The following CLDND2 variants were observed in gnomAD, a reference collection of about 807,000 sequenced individuals.
The protein encoded by CLDND2 is claudin domain-containing protein 2.
CLDND2 carries 18 observed loss-of-function variants against 17.7 expected under a neutral mutation model. That is an observed-to-expected ratio of 1.02 (90% CI 0.70 to 1.51). The LOEUF is 1.51. Ranked by LOEUF, CLDND2 falls within the 40% of genes most tolerant of loss-of-function variation. The pLI is 0.00. For synonymous variants in CLDND2, 113 were observed against 93.0 expected, an observed-to-expected ratio of 1.22 and a Z score of -1.24; for missense variants, 233 against 219.6, an observed-to-expected ratio of 1.06 and a Z score of -0.39.
chr19:51,367,288 A>G lies in CLDND2; in HGVS notation c.431-73T>C. 6.5e-7 allele frequency: 1 copy of G among 1,533,804 alleles called. No individual in the cohort carries two copies. Among genetic ancestry groups the G allele is most frequent in the Non-Finnish European group, 9.0e-7 (1 of 1,111,064 alleles). On this transcript the variant is annotated intron_variant, in intron 3 of 3. Coordinates refer to ENST00000291715, the MANE Select transcript of CLDND2 (RefSeq NM_152353.3). This position sits in a 1 kb window ranked among gnomAD's most constrained non-coding sequence, Gnocchi z 7.4. ...GCGGATGGCCGGGAGGGCCCCGGGG[A>G]CTGGGGTTTGGGGCTCCAAGGGGGT...
In CLDND2 at chr19:51,367,808, C is replaced by T; in HGVS notation, c.310+78G>A. On this transcript the variant is annotated intron_variant, in intron 2 of 3. Transcript: ENST00000291715. This position sits in a 1 kb window ranked among gnomAD's most constrained non-coding sequence, Gnocchi z 7.4. ...CGGATCCTGGCCGAGTACCTCAAGCCCCTCCCCTGGCGACCAGGCCCCTCC... is the reference window on the plus strand; with the variant it reads ...CGGATCCTGGCCGAGTACCTCAAGCTCCTCCCCTGGCGACCAGGCCCCTCC... 1.9e-6 allele frequency: 3 copies of T among 1,550,764 alleles called. No individual in the cohort carries two copies. In the East Asian group the frequency reaches 7.0e-5, roughly 36 times the overall value.
rs1599853701 is a variant in CLDND2, at chr19:51,368,870, A to C, written c.-293T>G. 1.2e-5 allele frequency: 4 copies of C among 326,956 alleles called. No homozygotes were observed. The highest frequency in any genetic ancestry group is 2.2e-5 in the African/African-American group (1 of 46,456). The allele number at this position is 326,956 out of a possible 1,614,324, so 20.3% of individuals were successfully genotyped here. A position where few individuals can be genotyped will look rare whatever the true frequency, so the allele number is the denominator to read the frequency against. On this transcript the variant is annotated 5_prime_UTR_variant, in exon 1 of 4. Transcript: ENST00000291715. ...CTGTGAGGAACCTGTCTTCCCAGAGACCTCCCCCGACAGCCGAACGCCCTT... is the reference window on the plus strand; with the variant it reads ...CTGTGAGGAACCTGTCTTCCCAGAGCCCTCCCCCGACAGCCGAACGCCCTT...
chr19:51,368,445 A>G lies in CLDND2; in HGVS notation c.133T>C (p.Cys45Arg). 1 of 1,613,850 alleles carries G rather than the reference A, an allele frequency of 6.2e-7. No individual in the cohort carries two copies. The highest frequency in any genetic ancestry group is 8.5e-7 in the Non-Finnish European group (1 of 1,179,954). The change falls in exon 1 of 4, where the codon TGC becomes CGC. Residue 45 changes from cysteine to arginine, a missense_variant. Physicochemically the swap from Cys to Arg is radical, Grantham distance 180. Coordinates refer to ENST00000291715, the MANE Select transcript of CLDND2 (RefSeq NM_152353.3). ...ATGCTGGAGCAGATGCCGTGGTTGCATTCCTGCCACAGGCCACTGTGGCCC... is the reference window on the plus strand; with the variant it reads ...ATGCTGGAGCAGATGCCGTGGTTGCGTTCCTGCCACAGGCCACTGTGGCCC... ...QEGHSGLWQE[C>R]NHGICSSIPC...
At chr19:51,368,353 T>C in intron 1 of CLDND2, 56 bp downstream of exon 1, 1 of 1,547,326 alleles carries the variant, frequency 6.5e-7, no homozygotes, top group East Asian at 2.3e-5. Context: ...CAGCTGTGTG[T>C]CCCGAGCCCT....
At position 51,367,988 on chromosome 19, in the gene CLDND2, C is replaced by T; in HGVS notation, c.208G>A (p.Val70Met). The T allele has an allele frequency of 6.2e-7, 1 of 1,612,030 alleles. No homozygotes were observed. The highest frequency in any genetic ancestry group is 8.5e-7 in the Non-Finnish European group (1 of 1,179,116). The change falls in exon 2 of 4, where the codon GTG (valine) becomes ATG (methionine). Residue 70 changes from valine to methionine, a missense_variant. Coordinates refer to ENST00000291715, the MANE Select transcript of CLDND2 (RefSeq NM_152353.3). This position sits in a 1 kb window ranked among gnomAD's most constrained non-coding sequence, Gnocchi z 7.4. ...ACCATGCCCACCACGCCGACACCCA[C>T]CGCCAGCACCATGCACGCCACAGTC... is the stretch of plus-strand genomic sequence containing the variant. ...AVTVACMVLA[V>M]GVGVVGMVMG...
At chr19:51,366,991 T>G, downstream of CLDND2, 1 of 693,338 alleles carries the variant, frequency 1.4e-6, no homozygotes, top group Non-Finnish European at 2.6e-6. Context: ...TGTGTCTCCC[T>G]GTCTCCACGT....
In CLDND2 at chr19:51,368,396, G is replaced by A; in HGVS notation, c.169+13C>T. On this transcript the variant is annotated intron_variant, in intron 1 of 3. Coordinates refer to ENST00000291715, the MANE Select transcript of CLDND2 (RefSeq NM_152353.3). ...TGAAATGCCCTCTGACATCTGGGCG[G>A]GCGGAGCCTCACTCTGGCAGGGGAT... 1.2e-6 allele frequency: 2 copies of A among 1,605,994 alleles called. No individual in the cohort carries two copies. The highest frequency in any genetic ancestry group is 1.7e-6 in the Non-Finnish European group (2 of 1,177,314).
At position 51,367,411 on chromosome 19, in the gene CLDND2, G is replaced by T. The variant is rs151237891; in HGVS notation, c.430+46C>A. ...CAGCTGGGGAGCCTCTGGGGTGAGG[G>T]TCTTCTGGGCAGTCTCCTCCACCCT... is the stretch of plus-strand genomic sequence containing the variant. On this transcript the variant is annotated intron_variant, in intron 3 of 3. Coordinates refer to ENST00000291715, the MANE Select transcript of CLDND2 (RefSeq NM_152353.3). The surrounding 1 kb of genome is among the most constrained non-coding windows in gnomAD (Gnocchi z 7.4). 2.1e-5 allele frequency: 33 copies of T among 1,552,344 alleles called. No homozygotes were observed. Among genetic ancestry groups the T allele is most frequent in the Non-Finnish European group, 2.7e-5 (31 of 1,138,608 alleles).
intron 1 of CLDND2, 122 bp from the exon 2 acceptor site, chr19:51,368,148 A>G (rs1227899126): frequency 8.8e-7 from 1 of 1,136,164 alleles, no homozygotes; most frequent in East Asian, 2.6e-5. Context: ...GCCGAGCTCC[A>G]CCGACCGGGA....
chr19:51,368,736 A>T lies in CLDND2; in HGVS notation c.-159T>A. Reference sequence around the variant, plus strand: ...GGGACCTGGAGACCCCCCTCCCTCAACAACCCTGCCTGAGGATCCACAACC... The same window carrying T: ...GGGACCTGGAGACCCCCCTCCCTCATCAACCCTGCCTGAGGATCCACAACC... On this transcript the variant is annotated 5_prime_UTR_variant, in exon 1 of 4. The change creates a new upstream start codon in the 5' untranslated region. Coordinates refer to ENST00000291715, the MANE Select transcript of CLDND2 (RefSeq NM_152353.3). 1.6e-6 allele frequency: 1 copy of T among 617,746 alleles called. No individual in the cohort carries two copies. The highest frequency in any genetic ancestry group is 2.8e-6 in the Non-Finnish European group (1 of 359,508). 38.3% of individuals were successfully genotyped at this position (617,746 alleles called of 1,614,324 possible). A position where few individuals can be genotyped will look rare whatever the true frequency, so the allele number is the denominator to read the frequency against.
downstream of CLDND2, among the ~76,000 whole-genome samples, chr19:51,366,743 G>T (rs1254436012): frequency 6.6e-6 from 1 of 151,888 alleles, no homozygotes; most frequent in African/African-American, 2.4e-5. Flanking sequence ...TCCAAGTCGC[G>T]GTACTCGTAT....
chr19:51,368,515 G>T lies in CLDND2; in HGVS notation c.63C>A (p.Leu21=). 1 of 1,614,074 alleles carries T rather than the reference G, an allele frequency of 6.2e-7. No homozygotes were observed. The highest frequency in any genetic ancestry group is 8.5e-7 in the Non-Finnish European group (1 of 1,179,982). Residue 21 remains leucine, a synonymous_variant, in exon 1 of 4, where the codon CTC becomes CTA. Coordinates refer to ENST00000291715, the MANE Select transcript of CLDND2 (RefSeq NM_152353.3). The part of the protein sequence containing the change: ...GILLSLVANV[L]MVLSTATNYW... ...AGTTGGTGGCCGTGGAGAGCACCATGAGGACGTTGGCCACGAGGCTGAGCA... is the reference window on the plus strand; with the variant it reads ...AGTTGGTGGCCGTGGAGAGCACCATTAGGACGTTGGCCACGAGGCTGAGCA...
Position 51,367,691 on chromosome 19 carries a change from CGCCCCTGGCCCAG to C in CLDND2, c.311-128_311-116del. The C allele has an allele frequency of 6.7e-7, 1 of 1,493,264 alleles. No individual in the cohort carries two copies. The highest frequency in any genetic ancestry group is 8.9e-7 in the Non-Finnish European group (1 of 1,121,644). 92.5% of individuals were successfully genotyped at this position (1,493,264 alleles called of 1,614,324 possible). Reference sequence around the variant, plus strand: ...AGACCACGCCTATCGCCTCTCAGCCCGCCCCTGGCCCAGGCCCCTTCCTGCTCCTCCCGCTCTG... The same window carrying C: ...AGACCACGCCTATCGCCTCTCAGCCCGCCCCTTCCTGCTCCTCCCGCTCTG... On this transcript the variant is annotated intron_variant, in intron 2 of 3. Transcript: ENST00000291715. This position sits in a 1 kb window ranked among gnomAD's most constrained non-coding sequence, Gnocchi z 7.4.
Position 51,368,442 on chromosome 19 carries a change from T to G in CLDND2, c.136A>C (p.Asn46His). 6.2e-7 allele frequency: 1 copy of G among 1,613,822 alleles called. No homozygotes were observed. The highest frequency in any genetic ancestry group is 8.5e-7 in the Non-Finnish European group (1 of 1,179,948). Reference sequence around the variant, plus strand: ...GGGATGCTGGAGCAGATGCCGTGGTTGCATTCCTGCCACAGGCCACTGTGG... The same window carrying G: ...GGGATGCTGGAGCAGATGCCGTGGTGGCATTCCTGCCACAGGCCACTGTGG... ...EGHSGLWQEC[N>H]HGICSSIPCQ... The change falls in exon 1 of 4, where the codon AAC becomes CAC. Residue 46 changes from asparagine to histidine, a missense_variant. Coordinates refer to ENST00000291715, the MANE Select transcript of CLDND2 (RefSeq NM_152353.3).
chr19:51,367,715 GCT>G lies in CLDND2; in HGVS notation c.311-141_311-140del. The G allele has an allele frequency of 6.8e-7, 1 of 1,480,598 alleles. No individual in the cohort carries two copies. The highest frequency in any genetic ancestry group is 8.9e-7 in the Non-Finnish European group (1 of 1,117,630). The allele number at this position is 1,480,598 out of a possible 1,614,324, so 91.7% of individuals were successfully genotyped here. A position where few individuals can be genotyped will look rare whatever the true frequency, so the allele number is the denominator to read the frequency against. The stretch of plus-strand genomic sequence containing the variant: ...CCGCCCCTGGCCCAGGCCCCTTCCT[GCT>G]CCTCCCGCTCTGAACTCTGTCTCGA... On this transcript the variant is annotated intron_variant, in intron 2 of 3. Coordinates refer to ENST00000291715, the MANE Select transcript of CLDND2 (RefSeq NM_152353.3). The surrounding 1 kb of genome is among the most constrained non-coding windows in gnomAD (Gnocchi z 7.4).
At chr19:51,368,366 G>A (rs778919325) in intron 1 of CLDND2, 43 bp downstream of exon 1, 2 of 1,572,916 alleles carry the variant, frequency 1.3e-6, no homozygotes, top group Non-Finnish European at 8.6e-7. Context: ...CGAGCCCTGG[G>A]GGTCTGAAAT....
At position 51,367,540 on chromosome 19, in the gene CLDND2, A is replaced by C; in HGVS notation, c.347T>G (p.Val116Gly). The change falls in exon 3 of 4, where the codon GTG (valine) becomes GGG (glycine). Residue 116 changes from valine to glycine, a missense_variant. Transcript: ENST00000291715. The surrounding 1 kb of genome is among the most constrained non-coding windows in gnomAD (Gnocchi z 7.4). ...LLLTALIGYT[V>G]KNAWKNNVFF... The stretch of plus-strand genomic sequence containing the variant: ...GACGTTGTTCTTCCACGCATTCTTC[A>C]CGGTGTAGCCTATCAAGGCGGTCAG... 1 of 1,612,208 alleles carries C rather than the reference A, an allele frequency of 6.2e-7. No individual in the cohort carries two copies. The highest frequency in any genetic ancestry group is 8.5e-7 in the Non-Finnish European group (1 of 1,179,174).
chr19:51,367,063 C>T, downstream of CLDND2: 1 of 1,388,962 alleles, frequency 7.2e-7, no homozygotes, highest in Non-Finnish European at 1.0e-6. This position sits in a 1 kb window ranked among gnomAD's most constrained non-coding sequence, Gnocchi z 7.4. Context: ...TGCCTGCGTC[C>T]CCACGACCCG....
At position 51,367,226 on chromosome 19, in the gene CLDND2, G is replaced by A. The variant is rs1482472712; in HGVS notation, c.431-11C>T. 2 of 1,613,806 alleles carry A rather than the reference G, an allele frequency of 1.2e-6. No homozygotes were observed. The highest frequency in any genetic ancestry group is 1.7e-6 in the Non-Finnish European group (2 of 1,179,888). On this transcript the variant is annotated splice_polypyrimidine_tract_variant and intron_variant, in intron 3 of 3. Transcript: ENST00000291715. The surrounding 1 kb of genome is among the most constrained non-coding windows in gnomAD (Gnocchi z 7.4). The stretch of plus-strand genomic sequence containing the variant: ...GCAGAAAGCAGAAGCCTGGGGGGAC[G>A]GGGGTGCGGAGCAGGGAGAGGAAGG...
Sources: allele counts gnomAD v4.1 joint callset (sites outside exome capture counted in the v4.1 genomes callset), GRCh38; gene constraint gnomAD v4.1.1; non-coding constraint Gnocchi (gnomAD v3.1); transcripts MANE v1.5; gene names NCBI Gene and HGNC (gene_info 2026-07-23, HGNC 2026-07-21).